GBF1: variants seen among roughly 807,000 people sequenced by gnomAD.
The protein encoded by GBF1 is golgi brefeldin A resistant guanine nucleotide exchange factor 1, also known as Golgi-specific brefeldin A-resistance guanine nucleotide exchange factor 1.
A neutral mutation model predicts 210.5 loss-of-function variants in GBF1; 114 were observed. The observed-to-expected ratio is 0.54, with a 90% CI of 0.47 to 0.63. GBF1 has a LOEUF of 0.63. Among genes scored for constraint, GBF1 ranks in the 30% least tolerant of loss-of-function variants. The pLI, the probability that GBF1 is intolerant of heterozygous loss-of-function variation, is 0.00. For missense variants in GBF1, 1,851 were observed against 2,357.7 expected, an observed-to-expected ratio of 0.79 and a Z score of 4.45; for synonymous variants, 850 against 889.2, an observed-to-expected ratio of 0.96 and a Z score of 0.78.
chr10:102,360,058 G>A (rs529722889), intron 11 of GBF1, 126 bp from the exon 12 acceptor site: 26 of 731,704 alleles, frequency 3.6e-5, no homozygotes, highest in East Asian at 2.2e-4. Context: ...GAGCCATCAC[G>A]CCCAGCCCTT....
chr10:102,382,406 T>C lies in GBF1; in HGVS notation c.*70T>C. On this transcript the variant is annotated 3_prime_UTR_variant, in exon 40 of 40. Transcript: ENST00000369983. Reference sequence around the variant, plus strand: ...TCCTTGACCCCACTTCTGGCTGTCCTGCGGGCCACAAGCTCTTCAGGCCAA... The same window carrying C: ...TCCTTGACCCCACTTCTGGCTGTCCCGCGGGCCACAAGCTCTTCAGGCCAA... 1 of 1,390,408 alleles carries C rather than the reference T, an allele frequency of 7.2e-7. No homozygotes were observed. The highest frequency in any genetic ancestry group is 9.8e-7 in the Non-Finnish European group (1 of 1,018,114). The allele number at this position is 1,390,408 out of a possible 1,614,324, so 86.1% of individuals were successfully genotyped here. A position where few individuals can be genotyped will look rare whatever the true frequency, so the allele number is the denominator to read the frequency against.
the GBF1 span, among the ~76,000 whole-genome samples, chr10:102,236,335 C>G: frequency 6.6e-6 from 1 of 152,202 alleles, no homozygotes. Flanking sequence ...AATGCCCAGG[C>G]AGGGACAGAG....
chr10:102,301,684 C>G (rs867388392), intron 3 of GBF1, among the ~76,000 whole-genome samples: 1 of 147,790 alleles, frequency 6.8e-6, no homozygotes, highest in African/African-American at 2.5e-5. Flanking sequence ...GGGGCAGAGG[C>G]GCTCCCCACA....
intron 3 of GBF1, among the ~76,000 whole-genome samples, chr10:102,293,787 T>TTTTTTTTTTTTTTTTA (rs2076674034): frequency 1.0e-5 from 1 of 97,310 alleles, no homozygotes; most frequent in African/African-American, 3.7e-5. Context: ...TTTTTTTTTT[T>TTTTTTTTTTTTTTTTA]TTTTTTTTGA....
intron 3 of GBF1, 49 bp from the exon 4 acceptor site, chr10:102,344,002 T>TAC: frequency 6.4e-7 from 1 of 1,558,066 alleles, no homozygotes; most frequent in Non-Finnish European, 8.8e-7. Context: ...TTCCAGGGTT[T>TAC]AGTTTTCTCT....
chr10:102,340,266 C>A (rs1311646361), intron 3 of GBF1, among the ~76,000 whole-genome samples: 1 of 123,664 alleles, frequency 8.1e-6, no homozygotes, highest in Non-Finnish European at 1.8e-5. Flanking sequence ...CTGGTCCATG[C>A]CTTTTTTTTT....
chr10:102,271,586 T>C (rs565311448), intron 3 of GBF1, among the ~76,000 whole-genome samples: 7 of 152,054 alleles, frequency 4.6e-5, no homozygotes, highest in African/African-American at 1.4e-4. Flanking sequence ...TGTTCTACAT[T>C]CTGGATTTGT....
chr10:102,267,446 G>A (rs2073972532), intron 3 of GBF1, among the ~76,000 whole-genome samples: 1 of 152,176 alleles, frequency 6.6e-6, no homozygotes, highest in African/African-American at 2.4e-5. Flanking sequence ...TGAGATTGCA[G>A]TGAGCTGAGA....
chr10:102,230,760 G>T, the GBF1 span: 4 of 1,492,822 alleles, frequency 2.7e-6, no homozygotes, highest in African/African-American at 5.9e-5. Context: ...GCCCGGGGGG[G>T]CCCCCGCCCA....
At chr10:102,260,769 G>A (rs150985186) in intron 3 of GBF1, among the ~76,000 whole-genome samples, 3 of 151,956 alleles carry the variant, frequency 2.0e-5, no homozygotes, top group East Asian at 1.9e-4. Flanking sequence ...GAGCCACTGC[G>A]CCTGGCCTAT....
rs2060700667 is a variant in GBF1 at position 102,379,305 on chromosome 10, C to T, written c.4516C>T (p.Leu1506=). 2 of 1,613,514 alleles carry T rather than the reference C, an allele frequency of 1.2e-6. No individual in the cohort carries two copies. Among genetic ancestry groups the T allele is most frequent in the South Asian group, 1.1e-5 (1 of 91,044 alleles). The change falls in exon 34 of 40, where the codon CTG becomes TTG. Residue 1506 remains leucine, a synonymous_variant. Coordinates refer to ENST00000369983, the MANE Select transcript of GBF1 (RefSeq NM_001377137.1). ...SQDLLDLMHT[L]HTRAASIYSS... ...CTAGTTGCTAGACCTGATGCACACCCTGCACACGCGGGCAGCCTCTATCTA... is the reference window on the plus strand; with the variant it reads ...CTAGTTGCTAGACCTGATGCACACCTTGCACACGCGGGCAGCCTCTATCTA...
chr10:102,286,124 G>A (rs550480364), intron 3 of GBF1, among the ~76,000 whole-genome samples: 11 of 151,914 alleles, frequency 7.2e-5, no homozygotes, highest in Admixed American at 1.3e-4. Context: ...AGGCTTTATA[G>A]TGAGGTGTGG....
chr10:102,252,385 G>A (rs1220214220), intron 1 of GBF1, among the ~76,000 whole-genome samples: 1 of 151,622 alleles, frequency 6.6e-6, no homozygotes, highest in Non-Finnish European at 1.5e-5. Context: ...TAAATAAGTG[G>A]TTTTAAGATT....
intron 4 of GBF1, among the ~76,000 whole-genome samples, chr10:102,346,928 A>G (rs757756058): frequency 1.3e-5 from 2 of 152,182 alleles, no homozygotes; most frequent in Non-Finnish European, 2.9e-5. Flanking sequence ...TGGTAGGAAT[A>G]TTAACCCATT....
intron 3 of GBF1, among the ~76,000 whole-genome samples, chr10:102,299,873 A>T (rs2077200965): frequency 6.6e-6 from 1 of 152,250 alleles, no homozygotes. Flanking sequence ...ACATAACTAT[A>T]TACTAAATTA....
intron 15 of GBF1, 77 bp downstream of exon 15, chr10:102,362,741 G>A: frequency 8.8e-7 from 1 of 1,139,428 alleles, no homozygotes. Context: ...CGTTTTTCCT[G>A]TCCCCATATC....
Position 102,380,353 on chromosome 10 carries a change from C to T in GBF1, c.4983C>T (p.Ser1661=). ...FMDKYMHAGS[S]DLLSEAIPES... ...ACAAGTACATGCACGCAGGCTCCAG[C>T]GACTTACTGGTATGTTCTACCTCAG... Residue 1661 remains serine (S), a synonymous_variant, in exon 37 of 40, where the codon AGC becomes AGT. Coordinates refer to ENST00000369983, the MANE Select transcript of GBF1 (RefSeq NM_001377137.1). 2 of 1,610,784 alleles carry T rather than the reference C, an allele frequency of 1.2e-6. No homozygotes were observed. Among genetic ancestry groups the T allele is most frequent in the Non-Finnish European group, 1.7e-6 (2 of 1,177,044 alleles).
At position 102,359,452 on chromosome 10, in the gene GBF1, G is replaced by C; in HGVS notation, c.1180+17G>C. The stretch of plus-strand genomic sequence containing the variant: ...AGAAAGAAGGTGGGTATTCTGGTAG[G>C]CTCTGCCAATTCACCTCCCCCATCC... On this transcript the variant is annotated intron_variant, in intron 11 of 39. Coordinates refer to ENST00000369983, the MANE Select transcript of GBF1 (RefSeq NM_001377137.1). 1 of 1,602,894 alleles carries C rather than the reference G, an allele frequency of 6.2e-7. No homozygotes were observed. The highest frequency in any genetic ancestry group is 1.3e-5 in the African/African-American group (1 of 74,772).
intron 1 of GBF1, among the ~76,000 whole-genome samples, chr10:102,254,696 G>T (rs751731222): frequency 6.6e-6 from 1 of 152,058 alleles, no homozygotes; most frequent in Non-Finnish European, 1.5e-5. Context: ...AAGGGTGTTA[G>T]TTGGTATTTA....
Sources: gnomAD v4.1 joint callset for allele counts (sites outside exome capture counted in the v4.1 genomes callset) on GRCh38, gnomAD v4.1.1 for gene constraint, MANE v1.5 for transcripts, NCBI Gene and HGNC (gene_info 2026-07-23, HGNC 2026-07-21) for gene names.